The following WDR64 variants were observed in gnomAD, a reference collection of about 807,000 sequenced individuals.
WDR64 encodes the protein WD repeat-containing protein 64.
In WDR64, 112 loss-of-function variants were observed where a neutral mutation model predicts 139.3. That is an observed-to-expected ratio of 0.80 (90% CI 0.69 to 0.94). The LOEUF (loss-of-function observed/expected upper bound fraction) is 0.94. Among genes scored for constraint, WDR64 ranks in the 40% least tolerant of loss-of-function variants. The pLI is 0.00. For synonymous variants in WDR64, 444 were observed against 437.7 expected (o/e 1.01, Z -0.18); for missense variants, 1,206 against 1,293.1 (o/e 0.93, Z 1.03).
chr1:241,741,712 T>C, intron 12 of WDR64, 48 bp downstream of exon 12: 1 of 1,507,328 alleles, frequency 6.6e-7, no homozygotes, highest in Non-Finnish European at 8.8e-7. Flanking sequence ...AATGCAGATA[T>C]AATTTTCTGT....
intron 10 of WDR64, among the ~76,000 whole-genome samples, chr1:241,725,517 C>T (rs979697821): frequency 2.6e-5 from 4 of 152,020 alleles, no homozygotes; most frequent in Non-Finnish European, 5.9e-5. Flanking sequence ...CCAGTCGTTC[C>T]CTCCATGCTC....
rs112482984 is a variant in WDR64 at position 241,710,314 on chromosome 1, T to C, written c.975-1488T>C. 6.4e-3 allele frequency among the ~76,000 whole-genome samples: 980 copies of C among 152,268 alleles called. 7 individuals are homozygous for C. The highest frequency in any genetic ancestry group is 0.023 in the African/African-American group (936 of 41,538). On this transcript the variant is annotated intron_variant, in intron 8 of 27. Coordinates refer to ENST00000437684, the MANE Select transcript of WDR64 (RefSeq NM_001367482.1). ...TAATCTCTGAGGTTGGTATTATTAT[T>C]GTCCATTGTCTCGTCTACTAAGTGA...
At chr1:241,752,262 G>A (rs1021051160) in intron 14 of WDR64, among the ~76,000 whole-genome samples, 1 of 152,154 alleles carries the variant, frequency 6.6e-6, no homozygotes, top group African/African-American at 2.4e-5. Context: ...ACCAATTAGA[G>A]ATGAAATGTA....
At chr1:241,755,032 G>A (rs541938738) in intron 14 of WDR64, among the ~76,000 whole-genome samples, 2 of 152,190 alleles carry the variant, frequency 1.3e-5, no homozygotes, top group East Asian at 3.9e-4. Flanking sequence ...AATAAAGATA[G>A]GTGTGCATGT....
intron 15 of WDR64, among the ~76,000 whole-genome samples, chr1:241,763,525 C>T (rs1309508759): frequency 3.3e-5 from 5 of 152,106 alleles, no homozygotes; most frequent in Middle Eastern, 3.2e-3. Context: ...GCCTGGCCAG[C>T]GAAACCTCAT....
At chr1:241,655,181 A>G (rs552059299) in intron 1 of WDR64, among the ~76,000 whole-genome samples, 31 of 152,272 alleles carry the variant, frequency 2.0e-4, no homozygotes, top group South Asian at 6.2e-4. Context: ...TCAGGAGTTC[A>G]AGACCAGCCT....
intron 10 of WDR64, among the ~76,000 whole-genome samples, chr1:241,734,754 T>A (rs1669228942): frequency 6.6e-6 from 1 of 152,138 alleles, no homozygotes; most frequent in South Asian, 2.1e-4. Context: ...TTGCTATTAA[T>A]ATAGACAGAT....
intron 2 of WDR64, among the ~76,000 whole-genome samples, chr1:241,662,848 G>C (rs1047377953): frequency 6.6e-6 from 1 of 152,014 alleles, no homozygotes; most frequent in African/African-American, 2.4e-5. Context: ...ACTAATCTTC[G>C]ACACTTTATT....
intron 8 of WDR64, among the ~76,000 whole-genome samples, chr1:241,704,950 G>A (rs1667874275): frequency 6.6e-6 from 1 of 152,198 alleles, no homozygotes; most frequent in African/African-American, 2.4e-5. Context: ...ATTGAAAAGA[G>A]GGATTAAGGT....
intron 9 of WDR64, among the ~76,000 whole-genome samples, chr1:241,717,363 G>C (rs1668442392): frequency 6.6e-6 from 1 of 152,074 alleles, no homozygotes; most frequent in African/African-American, 2.4e-5. Flanking sequence ...CAACTAGTTA[G>C]CTGGCAGAGC....
chr1:241,723,177 G>A, intron 9 of WDR64, 120 bp from the exon 10 acceptor site: 1 of 1,313,818 alleles, frequency 7.6e-7, no homozygotes, highest in Non-Finnish European at 1.0e-6. Flanking sequence ...AATGCATCCT[G>A]CCAGAAACGG....
intron 9 of WDR64, among the ~76,000 whole-genome samples, chr1:241,715,921 A>T (rs1305620582): frequency 6.6e-6 from 1 of 152,146 alleles, no homozygotes; most frequent in African/African-American, 2.4e-5. Context: ...ATATTATAAG[A>T]CCCTCATCTA....
intron 9 of WDR64, among the ~76,000 whole-genome samples, chr1:241,721,017 A>T (rs1331968057): frequency 6.6e-6 from 1 of 152,226 alleles, no homozygotes; most frequent in Non-Finnish European, 1.5e-5. Context: ...GCATGTGGCT[A>T]GCCAGTTCTC....
At chr1:241,771,432 C>T (rs1162211154) in intron 18 of WDR64, among the ~76,000 whole-genome samples, 1 of 151,928 alleles carries the variant, frequency 6.6e-6, no homozygotes, top group East Asian at 1.9e-4. Context: ...TAATTACTCT[C>T]GTTATTATGC....
chr1:241,788,124 C>A, intron 24 of WDR64, 90 bp downstream of exon 24: 2 of 1,176,016 alleles, frequency 1.7e-6, no homozygotes, highest in Non-Finnish European at 2.3e-6. Flanking sequence ...GAATTCAAGG[C>A]AAGAGGTCCA....
intron 8 of WDR64, among the ~76,000 whole-genome samples, chr1:241,698,606 C>G (rs905181684): frequency 6.6e-6 from 1 of 152,106 alleles, no homozygotes; most frequent in Non-Finnish European, 1.5e-5. Context: ...TCCTGTAAAT[C>G]TGAACTGCTT....
At chr1:241,790,521 T>A in intron 24 of WDR64, 70 bp from the exon 25 acceptor site, 1 of 1,311,130 alleles carries the variant, frequency 7.6e-7, no homozygotes, top group Non-Finnish European at 1.1e-6. Context: ...AAGGACATAA[T>A]GGATCTTTGT....
chr1:241,799,929 AT>A lies in WDR64; in HGVS notation c.3193-1198del, dbSNP rs138595943. 8.4e-3 allele frequency among the ~76,000 whole-genome samples: 1,284 copies of A among 152,208 alleles called. 21 individuals are homozygous for A. Among genetic ancestry groups the A allele is most frequent in the African/African-American group, 0.03 (1,229 of 41,506 alleles). Reference sequence around the variant, plus strand: ...CCAAAATTATTTTTCATATAGCTTAATTTTTCCCCTAAAAAGTCATTTTTAT... The same window carrying A: ...CCAAAATTATTTTTCATATAGCTTAATTTTCCCCTAAAAAGTCATTTTTAT... On this transcript the variant is annotated intron_variant, in intron 27 of 27. Transcript: ENST00000437684.
intron 2 of WDR64, among the ~76,000 whole-genome samples, chr1:241,661,230 T>C (rs1393651293): frequency 1.3e-5 from 2 of 152,000 alleles, no homozygotes; most frequent in Admixed American, 6.5e-5. Flanking sequence ...TACCACATTT[T>C]ATAAGCCGAT....
Sources: gnomAD v4.1 joint callset for allele counts (sites outside exome capture counted in the v4.1 genomes callset) on GRCh38, gnomAD v4.1.1 for gene constraint, MANE v1.5 for transcripts, NCBI Gene and HGNC (gene_info 2026-07-23, HGNC 2026-07-21) for gene names.